The following KIF26B variants were observed in gnomAD, a reference collection of about 807,000 sequenced individuals.
The protein encoded by KIF26B is kinesin family member 26B.
In KIF26B, 63 loss-of-function variants were observed where a neutral mutation model predicts 151.2. The ratio of observed to expected loss-of-function variants is 0.42; its 90% CI spans 0.34 to 0.51. The LOEUF (loss-of-function observed/expected upper bound fraction) is 0.51, where lower values mean the gene tolerates loss of function less well. Among genes scored for constraint, KIF26B ranks in the 20% least tolerant of loss-of-function variants. KIF26B has a pLI of 0.07. For synonymous variants in KIF26B, 1,357 were observed against 1,262.1 expected (o/e 1.08, Z -1.59); for missense variants, 2,813 against 2,913.6 (o/e 0.97, Z 0.79).
chr1:245,457,993 A>G (rs1482216860), intron 4 of KIF26B, among the ~76,000 whole-genome samples: 1 of 152,208 alleles, frequency 6.6e-6, no homozygotes, highest in Non-Finnish European at 1.5e-5. Context: ...AAGGTATTAT[A>G]TAAATACCTG....
chr1:245,532,463 T>C (rs1481904430), intron 4 of KIF26B, among the ~76,000 whole-genome samples: 1 of 151,958 alleles, frequency 6.6e-6, no homozygotes, highest in Non-Finnish European at 1.5e-5. Flanking sequence ...GCCAGGATGG[T>C]CTCGATCTCC....
chr1:245,344,859 T>A (rs1281657921), intron 2 of KIF26B, among the ~76,000 whole-genome samples: 1 of 152,090 alleles, frequency 6.6e-6, no homozygotes, highest in Non-Finnish European at 1.5e-5. Context: ...GTTACATTTT[T>A]CGGACTGATC....
At chr1:245,656,231 A>AGG (rs1247457838) in intron 10 of KIF26B, among the ~76,000 whole-genome samples, 1 of 25,196 alleles carries the variant, frequency 4.0e-5, no homozygotes, top group Non-Finnish European at 9.5e-5. Flanking sequence ...CTAAGGGAAG[A>AGG]AGGGGTCGGG....
intron 2 of KIF26B, among the ~76,000 whole-genome samples, chr1:245,320,724 C>A (rs955389690): frequency 7.9e-5 from 12 of 152,092 alleles, no homozygotes; most frequent in African/African-American, 2.9e-4. Context: ...GTCACCCAGG[C>A]TGGAGTGCAA....
chr1:245,321,892 G>C (rs1211319493), intron 2 of KIF26B, among the ~76,000 whole-genome samples: 1 of 152,196 alleles, frequency 6.6e-6, no homozygotes, highest in African/African-American at 2.4e-5. Context: ...TTTAACTCCT[G>C]GAGGCTGGCA....
At chr1:245,475,006 A>G (rs1353066074) in intron 4 of KIF26B, among the ~76,000 whole-genome samples, 1 of 151,676 alleles carries the variant, frequency 6.6e-6, no homozygotes, top group Non-Finnish European at 1.5e-5. Flanking sequence ...AATTGGGGGT[A>G]TGAAAGGTTT....
At chr1:245,366,809 C>G in intron 2 of KIF26B, 25 bp from the exon 3 acceptor site, 2 of 1,607,348 alleles carry the variant, frequency 1.2e-6, no homozygotes, top group Non-Finnish European at 1.7e-6. Flanking sequence ...AGAATCTCCT[C>G]TCCCTCTGCT....
chr1:245,336,000 AGGAGAGTCCCACGCAG>A (rs1474757051), intron 2 of KIF26B, among the ~76,000 whole-genome samples: 4 of 126,964 alleles, frequency 3.2e-5, no homozygotes, highest in African/African-American at 3.5e-5. Context: ...ACGCAGGGAA[AGGAGAGTCCCACGCAG>A]GGAGAGTCCC....
intron 3 of KIF26B, among the ~76,000 whole-genome samples, chr1:245,394,691 T>C (rs996219721): frequency 2.6e-4 from 38 of 143,650 alleles, no homozygotes; most frequent in African/African-American, 1.0e-3. Flanking sequence ...TTTCTTTCTT[T>C]TTTTTTTTTT....
chr1:245,402,081 T>C (rs1340176773), intron 3 of KIF26B, among the ~76,000 whole-genome samples: 1 of 152,054 alleles, frequency 6.6e-6, no homozygotes, highest in Non-Finnish European at 1.5e-5. Flanking sequence ...TGCAGTAGGG[T>C]GAGGCTGGGC....
chr1:245,355,649 C>A (rs1173846), intron 2 of KIF26B, among the ~76,000 whole-genome samples: 5 of 151,694 alleles, frequency 3.3e-5, no homozygotes, highest in African/African-American at 9.7e-5. Context: ...AACTTACCAG[C>A]GGTCAAGAAC....
chr1:245,445,153 G>T (rs1037623903), intron 4 of KIF26B, among the ~76,000 whole-genome samples: 1 of 152,170 alleles, frequency 6.6e-6, no homozygotes, highest in African/African-American at 2.4e-5. Context: ...ACTAAGCGGA[G>T]ACAAGAAGGC....
At position 245,610,239 on chromosome 1, in the gene KIF26B, G is replaced by A. The variant is rs549932778; in HGVS notation, c.1914+711G>A. Among the ~76,000 whole-genome samples, 82 of 152,278 alleles carry A rather than the reference G, an allele frequency of 5.4e-4. 1 individual carries two copies. The South Asian group carries it at 0.015, about 28-fold the overall frequency. The stretch of plus-strand genomic sequence containing the variant: ...TAAGTACCTGCCTCTTCCCAACTGG[G>A]ATTGTTTGCACAGGTGAGGATACCT... On this transcript the variant is annotated intron_variant, in intron 8 of 14. Transcript: ENST00000407071.
rs146853351 is a variant in KIF26B at position 245,603,942 on chromosome 1, G to A, written c.1557+1159G>A. ...GGGTACCAAGATTACTGAGCCATGG[G>A]CAGCCAATGAACTGCAGACCTCACC... is the stretch of plus-strand genomic sequence containing the variant. On this transcript the variant is annotated intron_variant, in intron 6 of 14. Coordinates refer to ENST00000407071, the MANE Select transcript of KIF26B (RefSeq NM_018012.4). 5.4e-3 allele frequency among the ~76,000 whole-genome samples: 828 copies of A among 152,280 alleles called. 4 individuals are homozygous for A. The highest frequency in any genetic ancestry group is 7.9e-3 in the Non-Finnish European group (537 of 68,012).
intron 14 of KIF26B, among the ~76,000 whole-genome samples, chr1:245,700,727 C>CAA (rs1553307722): frequency 1.3e-5 from 2 of 152,110 alleles, no homozygotes; most frequent in African/African-American, 4.8e-5. Flanking sequence ...GAAATTTGAG[C>CAA]AAAGAAAGAC....
intron 2 of KIF26B, among the ~76,000 whole-genome samples, chr1:245,180,723 G>C (rs994206571): frequency 4.6e-5 from 7 of 152,148 alleles, no homozygotes; most frequent in African/African-American, 1.7e-4. Flanking sequence ...TGGTGGTGGT[G>C]GGGGTAGGGG....
chr1:245,503,199 T>A (rs1660657613), intron 4 of KIF26B, among the ~76,000 whole-genome samples: 2 of 152,170 alleles, frequency 1.3e-5, no homozygotes, highest in African/African-American at 4.8e-5. Flanking sequence ...ATTTCCTGAT[T>A]TGTCTTTTAA....
intron 2 of KIF26B, among the ~76,000 whole-genome samples, chr1:245,329,266 C>G (rs999647108): frequency 6.6e-6 from 1 of 152,158 alleles, no homozygotes; most frequent in Non-Finnish European, 1.5e-5. Flanking sequence ...CGTTCTAACT[C>G]GAGAATTGCC....
At chr1:245,193,802 T>C (rs1321000052) in intron 2 of KIF26B, among the ~76,000 whole-genome samples, 1 of 152,204 alleles carries the variant, frequency 6.6e-6, no homozygotes, top group African/African-American at 2.4e-5. Flanking sequence ...ACAACTTACT[T>C]GTTCTTTATG....
Sources: gnomAD v4.1 joint callset for allele counts (sites outside exome capture counted in the v4.1 genomes callset) on GRCh38, gnomAD v4.1.1 for gene constraint, MANE v1.5 for transcripts, NCBI Gene and HGNC (gene_info 2026-07-23, HGNC 2026-07-21) for gene names.